The following CD300LB variants were observed in gnomAD, a reference collection of about 807,000 sequenced individuals.
CD300LB encodes CD300 molecule like family member b, also known as CMRF35-like molecule 7.
CD300LB carries 18 observed loss-of-function variants against 20.8 expected under a neutral mutation model. The observed-to-expected ratio is 0.87, with a 90% confidence interval of 0.60 to 1.28. CD300LB has a LOEUF of 1.28. CD300LB is among the 50% of genes most tolerant of loss of function. The probability of loss-of-function intolerance (pLI) is 0.00; values close to 1 mark genes in which losing one functional copy is unlikely to be tolerated. For missense variants in CD300LB, 222 were observed against 251.8 expected (o/e 0.88, Z 0.80); for synonymous variants, 91 against 91.3 (o/e 1.00, Z 0.02).
In CD300LB at chr17:74,522,687, G is replaced by T. The variant is rs372723877; in HGVS notation, c.*51C>A. On this transcript the variant is annotated 3_prime_UTR_variant, in exon 4 of 4. Transcript: ENST00000392621. ...CGTAGATGTTCCTTCCACAGCCCGA[G>T]TCTCTTCTGGAAACGTGGCCAGGGC... is the stretch of plus-strand genomic sequence containing the variant. 28 of 1,606,998 alleles carry T rather than the reference G, an allele frequency of 1.7e-5. No individual in the cohort carries two copies. The East Asian group carries it at 4.5e-4, about 26-fold the overall frequency.
chr17:74,528,898 G>T (rs1908114357), intron 1 of CD300LB, among the ~76,000 whole-genome samples: 1 of 152,094 alleles, frequency 6.6e-6, no homozygotes, highest in South Asian at 2.1e-4. Context: ...GTGGGAGGCT[G>T]AGGCAGGAGG....
chr17:74,530,199 C>G (rs1908161258), intron 1 of CD300LB, among the ~76,000 whole-genome samples: 1 of 152,198 alleles, frequency 6.6e-6, no homozygotes, highest in Non-Finnish European at 1.5e-5. Context: ...ACTGCTCTAT[C>G]TGTGCCAGAT....
At position 74,527,693 on chromosome 17, in the gene CD300LB, G is replaced by A. The variant is rs574707250; in HGVS notation, c.41-1616C>T. Among the ~76,000 whole-genome samples the A allele has an allele frequency of 1.1e-4, 12 of 107,186 alleles. No homozygotes were observed. The South Asian group carries it at 3.5e-3, about 31-fold the overall frequency. The allele number at this position is 107,186 out of a possible 152,430, so 70.3% of individuals were successfully genotyped here. A position where few individuals can be genotyped will look rare whatever the true frequency, so the allele number is the denominator to read the frequency against. On this transcript the variant is annotated intron_variant, in intron 1 of 3. Transcript: ENST00000392621. ...TGAGGGAGAGTCCAATTGGAAGATGGTCTGTTGCTGCTTTGAAGTGGAAGA... is the reference window on the plus strand; with the variant it reads ...TGAGGGAGAGTCCAATTGGAAGATGATCTGTTGCTGCTTTGAAGTGGAAGA...
chr17:74,522,909 G>T lies in CD300LB; in HGVS notation c.444-9C>A, dbSNP rs774675359. The T allele has an allele frequency of 1.2e-6, 2 of 1,612,706 alleles. No individual in the cohort carries two copies. The highest frequency in any genetic ancestry group is 1.7e-6 in the Non-Finnish European group (2 of 1,179,776). On this transcript the variant is annotated splice_polypyrimidine_tract_variant and intron_variant, in intron 3 of 3. Transcript: ENST00000392621. The stretch of plus-strand genomic sequence containing the variant: ...GGAGCATGTAGTGGTTCCTGGGGAA[G>T]GGGATGCAGTGGTCAGAGCCCTGGG...
In CD300LB at chr17:74,531,338, G is replaced by C. The variant is rs1322559499; in HGVS notation, c.13C>G (p.Pro5Ala). The change falls in exon 1 of 4, where the codon CCT becomes GCT. Residue 5 changes from proline to alanine, a missense_variant. By Grantham distance (27) the Pro-to-Ala change is conservative (BLOSUM62 -1). Coordinates refer to ENST00000392621, the MANE Select transcript of CD300LB (RefSeq NM_174892.4). ...GAGAGGCTGAGAAGGAGCAGAGCAG[G>C]GGGCAGCCACATGGCTCTGCCTTCC... MWLPPALLLLSLSGC... is the reference protein window; with the variant it reads MWLPAALLLLSLSGC... 1.2e-6 allele frequency: 2 copies of C among 1,607,308 alleles called. No homozygotes were observed. The highest frequency in any genetic ancestry group is 1.1e-5 in the South Asian group (1 of 90,230).
intron 1 of CD300LB, among the ~76,000 whole-genome samples, chr17:74,530,819 T>A (rs1908187985): frequency 6.6e-6 from 1 of 151,894 alleles, no homozygotes; most frequent in Non-Finnish European, 1.5e-5. Context: ...CTTTATTTTT[T>A]TTTTGAGACA....
In CD300LB at chr17:74,522,182, C is replaced by T. The variant is rs554840835; in HGVS notation, c.*556G>A. On this transcript the variant is annotated 3_prime_UTR_variant, in exon 4 of 4. Transcript: ENST00000392621. Reference sequence around the variant, plus strand: ...CTCAGAGCCATGTCCTCCCTGGGGACAGGGTCCATCCAGCCCCTCATGCCC... The same window carrying T: ...CTCAGAGCCATGTCCTCCCTGGGGATAGGGTCCATCCAGCCCCTCATGCCC... The T allele has an allele frequency of 1.2e-5, 12 of 985,546 alleles. No individual in the cohort carries two copies. Among genetic ancestry groups the T allele is most frequent in the Non-Finnish European group, 1.4e-5 (12 of 830,074 alleles). The allele number at this position is 985,546 out of a possible 1,614,324, so 61.1% of individuals were successfully genotyped here. A position where few individuals can be genotyped will look rare whatever the true frequency, so the allele number is the denominator to read the frequency against.
In CD300LB at chr17:74,523,612, C is replaced by T. The variant is rs367952780; in HGVS notation, c.410G>A (p.Ser137Asn). ...GGAGCCGATGAACACTGCCATATTG[C>T]TGTTGGTAGGTGAGCTTGCTGTTGT... is the stretch of plus-strand genomic sequence containing the variant. ...ASTTASSPTN[S>N]NMAVFIGSHK... Residue 137 changes from serine to asparagine, a missense_variant, in exon 3 of 4, where the codon AGC (serine) becomes AAC (asparagine). Physicochemically the swap from Ser to Asn is conservative, Grantham distance 46. Transcript: ENST00000392621. 6.2e-7 allele frequency: 1 copy of T among 1,613,700 alleles called. No homozygotes were observed. The highest frequency in any genetic ancestry group is 8.5e-7 in the Non-Finnish European group (1 of 1,179,596).
chr17:74,525,309 G>A (rs570411879), intron 2 of CD300LB, among the ~76,000 whole-genome samples: 29 of 152,246 alleles, frequency 1.9e-4, no homozygotes, highest in Non-Finnish European at 3.8e-4. Flanking sequence ...ATAAAGTAGC[G>A]GAGCAGGTGG....
At position 74,522,352 on chromosome 17, in the gene CD300LB, G is replaced by T. The variant is rs537358517; in HGVS notation, c.*386C>A. The T allele has an allele frequency of 1.1e-5, 11 of 1,004,984 alleles. No homozygotes were observed. In the African/African-American group the frequency reaches 1.7e-4, roughly 16 times the overall value. The allele number at this position is 1,004,984 out of a possible 1,614,324, so 62.3% of individuals were successfully genotyped here. On this transcript the variant is annotated 3_prime_UTR_variant, in exon 4 of 4. Coordinates refer to ENST00000392621, the MANE Select transcript of CD300LB (RefSeq NM_174892.4). ...TATATCAGGTTCTCAGGCAAAGACG[G>T]TGTTGAGTTGGTCTCCGGAATGATG...
intron 1 of CD300LB, among the ~76,000 whole-genome samples, chr17:74,529,621 T>A (rs575654897): frequency 2.4e-4 from 37 of 152,218 alleles, no homozygotes; most frequent in South Asian, 1.4e-3. Context: ...TGAAATCCTG[T>A]CTCTACTAAA....
rs1907901196 is a variant in CD300LB, at chr17:74,522,217, G to T, written c.*521C>A. 2.0e-6 allele frequency: 2 copies of T among 986,064 alleles called. No homozygotes were observed. The highest frequency in any genetic ancestry group is 3.5e-5 in the African/African-American group (2 of 57,338). 61.1% of individuals were successfully genotyped at this position (986,064 alleles called of 1,614,324 possible). Reference sequence around the variant, plus strand: ...CCAGCCCCTCATGCCCTAGAACCAGGAACTCATCCCAGAATCACCCTCCTT... The same window carrying T: ...CCAGCCCCTCATGCCCTAGAACCAGTAACTCATCCCAGAATCACCCTCCTT... On this transcript the variant is annotated 3_prime_UTR_variant, in exon 4 of 4. Coordinates refer to ENST00000392621, the MANE Select transcript of CD300LB (RefSeq NM_174892.4).
Position 74,521,852 on chromosome 17 carries a change from A to T in CD300LB, c.*886T>A. On this transcript the variant is annotated 3_prime_UTR_variant, in exon 4 of 4. Transcript: ENST00000392621. The stretch of plus-strand genomic sequence containing the variant: ...TGGGTGAAGCCTGTGAGGAGACAGA[A>T]CCACTTCCCTAGGACAGTTTTCATT... 1 of 985,450 alleles carries T rather than the reference A, an allele frequency of 1.0e-6. No individual in the cohort carries two copies. The highest frequency in any genetic ancestry group is 1.2e-6 in the Non-Finnish European group (1 of 829,948). The allele number at this position is 985,450 out of a possible 1,614,324, so 61.0% of individuals were successfully genotyped here. A position where few individuals can be genotyped will look rare whatever the true frequency, so the allele number is the denominator to read the frequency against.
At chr17:74,530,535 C>G (rs1455608394) in intron 1 of CD300LB, among the ~76,000 whole-genome samples, 1 of 150,302 alleles carries the variant, frequency 6.7e-6, no homozygotes, top group Non-Finnish European at 1.5e-5. Flanking sequence ...CTCCATCTCT[C>G]TGCCCAGGTC....
chr17:74,522,478 G>A lies in CD300LB; in HGVS notation c.*260C>T, dbSNP rs143529434. ...AGCAGTGGGGACAGAGTCGTCCAGT[G>A]CTTGAGCTCCATCTCTACAGCTCCT... On this transcript the variant is annotated 3_prime_UTR_variant, in exon 4 of 4. Coordinates refer to ENST00000392621, the MANE Select transcript of CD300LB (RefSeq NM_174892.4). 3.2e-3 allele frequency: 3,972 copies of A among 1,232,426 alleles called. 100 individuals carry two copies. The African/African-American group carries it at 0.055, about 17-fold the overall frequency. The allele number at this position is 1,232,426 out of a possible 1,614,324, so 76.3% of individuals were successfully genotyped here. A position where few individuals can be genotyped will look rare whatever the true frequency, so the allele number is the denominator to read the frequency against.
intron 2 of CD300LB, among the ~76,000 whole-genome samples, chr17:74,524,138 C>T (rs765467852): frequency 1.3e-5 from 2 of 152,162 alleles, no homozygotes; most frequent in Non-Finnish European, 2.9e-5. Context: ...TAGAGAACAT[C>T]GACTATGAGA....
chr17:74,525,118 CA>C (rs1467622321), intron 2 of CD300LB, among the ~76,000 whole-genome samples: 2 of 152,156 alleles, frequency 1.3e-5, no homozygotes, highest in Non-Finnish European at 2.9e-5. Context: ...ACTCCAGCAA[CA>C]GCAGCAGGAT....
intron 1 of CD300LB, among the ~76,000 whole-genome samples, chr17:74,529,369 C>T (rs1879968): frequency 0.4 from 61,123 of 151,880 alleles, 15,105 homozygotes; most frequent in Middle Eastern, 0.64. Context: ...ACCTCATATC[C>T]AACTCGCCAC....
In CD300LB at chr17:74,521,436, A is replaced by T. The variant is rs1474956030; in HGVS notation, c.*1302T>A. ...GTCTTGGTCCCTCACAGAATGACTC[A>T]GGGGATCTTAGCCGGGCTCGAACTC... is the stretch of plus-strand genomic sequence containing the variant. On this transcript the variant is annotated 3_prime_UTR_variant, in exon 4 of 4. Coordinates refer to ENST00000392621, the MANE Select transcript of CD300LB (RefSeq NM_174892.4). 1 of 985,344 alleles carries T rather than the reference A, an allele frequency of 1.0e-6. No individual in the cohort carries two copies. Among genetic ancestry groups the T allele is most frequent in the Admixed American group, 6.1e-5 (1 of 16,276 alleles). The allele number at this position is 985,344 out of a possible 1,614,324, so 61.0% of individuals were successfully genotyped here.
Sources: allele counts gnomAD v4.1 joint callset (sites outside exome capture counted in the v4.1 genomes callset), GRCh38; gene constraint gnomAD v4.1.1; transcripts MANE v1.5; gene names NCBI Gene and HGNC (gene_info 2026-07-23, HGNC 2026-07-21).